Variants in CADPS2 observed in about 807,000 individuals in gnomAD.
The protein encoded by CADPS2 is calcium-dependent secretion activator 2.
CADPS2 carries 93 observed loss-of-function variants against 172.5 expected under a neutral mutation model. The ratio of observed to expected loss-of-function variants is 0.54; its 90% confidence interval spans 0.46 to 0.64. CADPS2 has a LOEUF of 0.64. CADPS2 is among the 30% of genes least tolerant of loss of function. CADPS2 has a pLI of 0.00. For synonymous variants in CADPS2, 546 were observed against 555.2 expected (o/e 0.98, Z 0.23); for missense variants, 1,420 against 1,565.9 (o/e 0.91, Z 1.57).
intron 1 of CADPS2, among the ~76,000 whole-genome samples, chr7:122,830,037 A>G (rs2140557521): frequency 6.6e-6 from 1 of 151,522 alleles, no homozygotes; most frequent in South Asian, 2.1e-4. Flanking sequence ...AAAAAACAGT[A>G]CAAGTAGGGA....
chr7:122,421,309 C>T (rs1341058219), intron 17 of CADPS2, among the ~76,000 whole-genome samples: 1 of 152,166 alleles, frequency 6.6e-6, no homozygotes, highest in Non-Finnish European at 1.5e-5. Context: ...CTCACCTCCA[C>T]TCACCATGAT....
At chr7:122,401,251 T>C (rs188196053) in intron 20 of CADPS2, among the ~76,000 whole-genome samples, 1 of 152,324 alleles carries the variant, frequency 6.6e-6, no homozygotes, top group East Asian at 1.9e-4. Context: ...TGCTGTGACA[T>C]TGATTATATA....
intron 8 of CADPS2, among the ~76,000 whole-genome samples, chr7:122,528,820 T>G (rs1032852245): frequency 1.3e-5 from 2 of 152,156 alleles, no homozygotes; most frequent in African/African-American, 4.8e-5. Context: ...TATCTTTGAT[T>G]ATTCATAAAC....
At chr7:122,569,814 A>G (rs1171970041) in intron 7 of CADPS2, among the ~76,000 whole-genome samples, 31 of 144,486 alleles carry the variant, frequency 2.1e-4, no homozygotes, top group African/African-American at 7.6e-4. Flanking sequence ...GGTGCTGGGA[A>G]AACTGGCTAG....
chr7:122,592,534 C>CA (rs895072514), intron 6 of CADPS2, among the ~76,000 whole-genome samples: 1 of 152,096 alleles, frequency 6.6e-6, no homozygotes, highest in African/African-American at 2.4e-5. Context: ...AAGACACATG[C>CA]ACACGTATGT....
At chr7:122,641,951 T>G (rs547932362) in intron 3 of CADPS2, among the ~76,000 whole-genome samples, 15 of 151,834 alleles carry the variant, frequency 9.9e-5, no homozygotes, top group Non-Finnish European at 1.9e-4. Flanking sequence ...AATGATAGCA[T>G]CAGGATGGAT....
At chr7:122,572,242 C>T (rs555597085) in intron 7 of CADPS2, among the ~76,000 whole-genome samples, 1 of 152,180 alleles carries the variant, frequency 6.6e-6, no homozygotes, top group South Asian at 2.1e-4. Flanking sequence ...TCTAATTCAA[C>T]TCTTCATATA....
chr7:122,446,635 CA>C (rs1265226970), intron 15 of CADPS2, among the ~76,000 whole-genome samples: 2 of 152,186 alleles, frequency 1.3e-5, no homozygotes, highest in African/African-American at 4.8e-5. Flanking sequence ...AGTTTCCTCA[CA>C]TATATGAAAT....
intron 9 of CADPS2, among the ~76,000 whole-genome samples, chr7:122,512,044 T>G (rs542138446): frequency 1.3e-5 from 2 of 152,122 alleles, no homozygotes; most frequent in Non-Finnish European, 2.9e-5. Flanking sequence ...TTTATTAAAG[T>G]TGACCAACTA....
chr7:122,544,095 A>T (rs916215268), intron 8 of CADPS2, among the ~76,000 whole-genome samples: 1 of 152,186 alleles, frequency 6.6e-6, no homozygotes, highest in Non-Finnish European at 1.5e-5. Flanking sequence ...CTCAAGAGAA[A>T]CTATGCATAT....
At chr7:122,721,041 T>A (rs1304049192) in intron 2 of CADPS2, among the ~76,000 whole-genome samples, 1 of 152,032 alleles carries the variant, frequency 6.6e-6, no homozygotes, top group Non-Finnish European at 1.5e-5. Context: ...TGCATAATAT[T>A]TTCATTTTGA....
In CADPS2 at chr7:122,737,000, A is replaced by T. The variant is rs1423085161; in HGVS notation, c.408T>A (p.Ile136=). ...FQAFLNGETQ[I]VADEAFCNAV... is the part of the protein sequence containing the mutation. ...CGTTGCAAAATGCTTCGTCAGCTAC[A>T]ATTTGGGTTTCCCCATTGAGGAAGG... is the stretch of plus-strand genomic sequence containing the variant. Residue 136 remains isoleucine (I), a synonymous_variant, in exon 2 of 30, where the codon ATT becomes ATA. Coordinates refer to ENST00000449022, the MANE Select transcript of CADPS2 (RefSeq NM_017954.11). 3 of 1,612,788 alleles carry T rather than the reference A, an allele frequency of 1.9e-6. No individual in the cohort carries two copies. Among genetic ancestry groups the T allele is most frequent in the South Asian group, 1.1e-5 (1 of 91,050 alleles).
chr7:122,581,877 G>A (rs1197036300), intron 6 of CADPS2, among the ~76,000 whole-genome samples: 2 of 152,072 alleles, frequency 1.3e-5, no homozygotes, highest in Non-Finnish European at 2.9e-5. Flanking sequence ...TCTTAGGAAG[G>A]GAATAAGTCT....
At chr7:122,806,022 T>G (rs747262955) in intron 1 of CADPS2, among the ~76,000 whole-genome samples, 11 of 152,232 alleles carry the variant, frequency 7.2e-5, no homozygotes, top group Non-Finnish European at 1.0e-4. Context: ...GAGCACTGAA[T>G]GTGCAAACCT....
intron 9 of CADPS2, among the ~76,000 whole-genome samples, chr7:122,497,680 G>T (rs1031376256): frequency 1.3e-5 from 2 of 152,038 alleles, no homozygotes; most frequent in African/African-American, 4.8e-5. Context: ...TTGCCCTTGG[G>T]TTTACTCATT....
intron 14 of CADPS2, among the ~76,000 whole-genome samples, chr7:122,467,252 G>A (rs1414856167): frequency 6.6e-6 from 1 of 152,116 alleles, no homozygotes; most frequent in Non-Finnish European, 1.5e-5. Context: ...CAACGTGTGT[G>A]TCATTTATAC....
In CADPS2 at chr7:122,360,990, C is replaced by T; in HGVS notation, c.3411G>A (p.Val1137=). The T allele has an allele frequency of 6.2e-7, 1 of 1,613,712 alleles. No individual in the cohort carries two copies. The highest frequency in any genetic ancestry group is 2.2e-5 in the East Asian group (1 of 44,812). Residue 1137 remains valine, a synonymous_variant, in exon 26 of 30, where the codon GTG becomes GTA. Coordinates refer to ENST00000449022, the MANE Select transcript of CADPS2 (RefSeq NM_017954.11). ...VSKFVSVLEG[V]LSKLSRYDEG... Reference sequence around the variant, plus strand: ...CATCATACCTTGACAGCTTAGACAACACGCCTTCCAACACTGAAACAAACT... The same window carrying T: ...CATCATACCTTGACAGCTTAGACAATACGCCTTCCAACACTGAAACAAACT...
intron 9 of CADPS2, among the ~76,000 whole-genome samples, chr7:122,502,001 TA>T (rs1465828280): frequency 4.6e-5 from 7 of 151,956 alleles, no homozygotes; most frequent in African/African-American, 1.7e-4. Context: ...TTCTGAAACT[TA>T]AAAACAACTG....
chr7:122,623,731 G>A (rs548191994), intron 4 of CADPS2, among the ~76,000 whole-genome samples: 70 of 152,088 alleles, frequency 4.6e-4, no homozygotes, highest in African/African-American at 1.2e-3. Flanking sequence ...TTAATTATGC[G>A]TTGAATAAAA....
Sources: allele counts gnomAD v4.1 joint callset (sites outside exome capture counted in the v4.1 genomes callset), GRCh38; gene constraint gnomAD v4.1.1; transcripts MANE v1.5; gene names NCBI Gene and HGNC (gene_info 2026-07-23, HGNC 2026-07-21).